The following FGF14 variants were observed in gnomAD, a reference collection of about 807,000 sequenced individuals.
FGF14 encodes the protein fibroblast growth factor 14, also known as fibroblast growth factor homologous factor 4.
In FGF14, 5 loss-of-function variants were observed where a neutral mutation model predicts 25.5. The observed-to-expected ratio is 0.20, with a 90% CI of 0.10 to 0.41. The LOEUF is 0.41. Ranked by LOEUF, FGF14 falls within the 10% of genes least tolerant of loss-of-function variation. The pLI is 1.00. For synonymous variants in FGF14, 138 were observed against 118.3 expected (o/e 1.17, Z -1.08); for missense variants, 222 against 320.1 (o/e 0.69, Z 2.34).
At chr13:102,085,355 G>T (rs2043846615) in intron 1 of FGF14, among the ~76,000 whole-genome samples, 1 of 152,128 alleles carries the variant, frequency 6.6e-6, no homozygotes, top group Non-Finnish European at 1.5e-5. Context: ...ATCCTAAAAT[G>T]AAGATTCCCT....
intron 1 of FGF14, among the ~76,000 whole-genome samples, chr13:102,027,094 A>G (rs898958232): frequency 6.6e-6 from 1 of 152,008 alleles, no homozygotes; most frequent in Admixed American, 6.6e-5. Context: ...CTCCTTTGGC[A>G]TAGTCAATTC....
chr13:101,997,079 T>C (rs535570263), intron 1 of FGF14, among the ~76,000 whole-genome samples: 2 of 152,336 alleles, frequency 1.3e-5, no homozygotes, highest in African/African-American at 4.8e-5. Flanking sequence ...GGGCACTCTT[T>C]TACTAGGCTT....
At chr13:101,796,211 C>A (rs1386554131) in intron 3 of FGF14, among the ~76,000 whole-genome samples, 1 of 152,002 alleles carries the variant, frequency 6.6e-6, no homozygotes, top group African/African-American at 2.4e-5. Flanking sequence ...TTAATATATA[C>A]TAAACCCATT....
rs78068211 is a variant in FGF14 at position 101,773,501 on chromosome 13, A to G, written c.409-46691T>C. On this transcript the variant is annotated intron_variant, in intron 3 of 4. Transcript: ENST00000376143. ...TGAGAGGAAGATCTAATGTGTGAGA[A>G]ATGATAAAATAAGAGTTCAAAAGAA... 5.7e-3 allele frequency among the ~76,000 whole-genome samples: 870 copies of G among 152,242 alleles called. 9 individuals carry two copies. The highest frequency in any genetic ancestry group is 0.019 in the African/African-American group (805 of 41,552).
chr13:102,247,107 T>A (rs1477495862), intron 1 of FGF14, among the ~76,000 whole-genome samples: 1 of 152,040 alleles, frequency 6.6e-6, no homozygotes, highest in Non-Finnish European at 1.5e-5. Flanking sequence ...AGAATTTAAA[T>A]ATAAAATCAA....
intron 3 of FGF14, among the ~76,000 whole-genome samples, chr13:101,792,530 G>T (rs1424951532): frequency 6.6e-6 from 1 of 151,998 alleles, no homozygotes; most frequent in Admixed American, 6.6e-5. Flanking sequence ...GGCCATTTTC[G>T]TGGAGGAAAA....
intron 1 of FGF14, among the ~76,000 whole-genome samples, chr13:102,310,674 T>TCTCTCC (rs2055691035): frequency 2.2e-5 from 1 of 46,384 alleles, no homozygotes; most frequent in African/African-American, 9.8e-5. Flanking sequence ...TCTCTCTCTC[T>TCTCTCC]CTCTCTCTCT....
intron 1 of FGF14, among the ~76,000 whole-genome samples, chr13:101,879,229 C>A (rs1168132784): frequency 6.6e-6 from 1 of 152,034 alleles, no homozygotes; most frequent in Non-Finnish European, 1.5e-5. Context: ...CTTTTATTTT[C>A]TATTTAGTGT....
chr13:101,884,121 A>T (rs1036359086), intron 1 of FGF14, among the ~76,000 whole-genome samples: 4 of 149,196 alleles, frequency 2.7e-5, no homozygotes, highest in Middle Eastern at 3.5e-3. Context: ...TCACTATATG[A>T]TGTGTGCAAG....
At chr13:101,741,692 T>C (rs775794088) in intron 3 of FGF14, among the ~76,000 whole-genome samples, 3 of 151,850 alleles carry the variant, frequency 2.0e-5, no homozygotes, top group African/African-American at 4.8e-5. Flanking sequence ...TTATTCTATA[T>C]ACTTTGATTC....
intron 1 of FGF14, among the ~76,000 whole-genome samples, chr13:102,176,914 C>A (rs2048473663): frequency 6.6e-6 from 1 of 152,080 alleles, no homozygotes; most frequent in Non-Finnish European, 1.5e-5. Flanking sequence ...AATACTTGCA[C>A]AAACCTGTAG....
chr13:102,374,441 G>T (rs116118096), intron 1 of FGF14, among the ~76,000 whole-genome samples: 1 of 151,448 alleles, frequency 6.6e-6, no homozygotes, highest in Non-Finnish European at 1.5e-5. Context: ...AAAGTAAGGG[G>T]AGTATGTTTG....
intron 3 of FGF14, among the ~76,000 whole-genome samples, chr13:101,822,765 G>T (rs1011262430): frequency 2.0e-5 from 3 of 152,128 alleles, no homozygotes; most frequent in African/African-American, 7.2e-5. Flanking sequence ...TTATTTTAAA[G>T]TATACAATAA....
chr13:102,020,924 A>T (rs929206256), intron 1 of FGF14, among the ~76,000 whole-genome samples: 17 of 69,054 alleles, frequency 2.5e-4, no homozygotes, highest in African/African-American at 1.2e-3. Context: ...CACAGAGATA[A>T]AAAAAAAAAG....
At chr13:102,177,867 G>C (rs2140726757) in intron 1 of FGF14, among the ~76,000 whole-genome samples, 1 of 152,002 alleles carries the variant, frequency 6.6e-6, no homozygotes, top group African/African-American at 2.4e-5. Context: ...TAAATGTGTT[G>C]TTAGAGAAAA....
chr13:102,132,995 G>A (rs889976367), intron 1 of FGF14, among the ~76,000 whole-genome samples: 1 of 152,114 alleles, frequency 6.6e-6, no homozygotes, highest in Non-Finnish European at 1.5e-5. Flanking sequence ...AGCCACCAGG[G>A]AGCTTTAGAA....
At chr13:101,946,718 T>C (rs1319389337) in intron 1 of FGF14, among the ~76,000 whole-genome samples, 1 of 152,196 alleles carries the variant, frequency 6.6e-6, no homozygotes, top group Non-Finnish European at 1.5e-5. Context: ...TTTTTAAGAA[T>C]ACAAACTCTT....
rs556922855 is a variant in FGF14 at position 101,935,313 on chromosome 13, T to A, written c.209-60017A>T. The stretch of plus-strand genomic sequence containing the variant: ...TGAGTCCTCACTAACCAGGCAATTT[T>A]GGCTTCTCACATTCTGCTGACAGAG... On this transcript the variant is annotated intron_variant, in intron 1 of 4. Coordinates refer to the FGF14 transcript ENST00000376131. 5.3e-5 allele frequency among the ~76,000 whole-genome samples: 8 copies of A among 152,326 alleles called. No homozygotes were observed. The South Asian group carries it at 1.0e-3, about 20-fold the overall frequency.
rs74700667 is a variant in FGF14, at chr13:101,995,411, T to C, written c.209-120115A>G. Among the ~76,000 whole-genome samples the C allele has an allele frequency of 4.7e-3, 714 of 152,268 alleles. 8 individuals are homozygous for C. Among genetic ancestry groups the C allele is most frequent in the African/African-American group, 0.016 (680 of 41,544 alleles). On this transcript the variant is annotated intron_variant, in intron 1 of 4. Coordinates refer to the FGF14 transcript ENST00000376131. ...ATGCAATTCAGGAAAAGCAAAATAA[T>C]TGTTTTTCAGCTTTGATGAAACAGG... is the stretch of plus-strand genomic sequence containing the variant.
Sources: gnomAD v4.1 joint callset for allele counts (sites outside exome capture counted in the v4.1 genomes callset) on GRCh38, gnomAD v4.1.1 for gene constraint, MANE v1.5 for transcripts, NCBI Gene and HGNC (gene_info 2026-07-23, HGNC 2026-07-21) for gene names.